Variants in SORCS1 observed in about 807,000 individuals in gnomAD.
SORCS1 encodes VPS10 domain-containing receptor SorCS1.
SORCS1 carries 60 observed loss-of-function variants against 146.1 expected under a neutral mutation model. The observed-to-expected ratio is 0.41, with a 90% CI of 0.33 to 0.51. The LOEUF (loss-of-function observed/expected upper bound fraction) is 0.51. Among genes scored for constraint, SORCS1 ranks in the 20% least tolerant of loss-of-function variants. The probability of loss-of-function intolerance (pLI) is 0.21; values close to 1 mark genes in which losing one functional copy is unlikely to be tolerated. For missense variants in SORCS1, 1,352 were observed against 1,487.6 expected, an observed-to-expected ratio of 0.91 and a Z score of 1.50; for synonymous variants, 637 against 584.0, an observed-to-expected ratio of 1.09 and a Z score of -1.31.
intron 1 of SORCS1, among the ~76,000 whole-genome samples, chr10:107,051,706 C>G (rs17121994): frequency 0.011 from 1,624 of 152,200 alleles, 15 homozygotes; most frequent in South Asian, 0.029. Context: ...TTTGTACTGG[C>G]TTGCATGTCT....
chr10:107,124,953 C>CTTTT (rs577523339), intron 1 of SORCS1, among the ~76,000 whole-genome samples: 3 of 121,612 alleles, frequency 2.5e-5, no homozygotes, highest in South Asian at 2.5e-4. Flanking sequence ...TTTTCTTTTT[C>CTTTT]TTTTTTTTTT....
At chr10:106,893,624 T>C (rs550515074) in intron 2 of SORCS1, among the ~76,000 whole-genome samples, 1 of 152,350 alleles carries the variant, frequency 6.6e-6, no homozygotes, top group African/African-American at 2.4e-5. Context: ...TTGCCACATG[T>C]TGCATGCAAA....
At chr10:107,110,598 T>C (rs1965628264) in intron 1 of SORCS1, among the ~76,000 whole-genome samples, 1 of 152,068 alleles carries the variant, frequency 6.6e-6, no homozygotes, top group African/African-American at 2.4e-5. Context: ...TCCACCCTCA[T>C]AACCAAAACC....
At chr10:106,792,958 T>C (rs1310905291) in intron 3 of SORCS1, among the ~76,000 whole-genome samples, 1 of 152,224 alleles carries the variant, frequency 6.6e-6, no homozygotes, top group East Asian at 1.9e-4. Flanking sequence ...TGAGCAGATG[T>C]TCATCATTCA....
At chr10:106,830,777 T>C (rs1380416195) in intron 2 of SORCS1, among the ~76,000 whole-genome samples, 5 of 151,910 alleles carry the variant, frequency 3.3e-5, no homozygotes, top group Non-Finnish European at 7.4e-5. Flanking sequence ...ATGCCTGTAG[T>C]CCGAGCTACT....
intron 2 of SORCS1, among the ~76,000 whole-genome samples, chr10:106,938,115 T>C (rs1953845654): frequency 6.6e-6 from 1 of 152,008 alleles, no homozygotes. Flanking sequence ...GGATAAATAA[T>C]TCAGAAGAGA....
chr10:106,662,271 A>T (rs1850788082), intron 17 of SORCS1, among the ~76,000 whole-genome samples: 1 of 152,248 alleles, frequency 6.6e-6, no homozygotes, highest in Admixed American at 6.5e-5. Context: ...CAGGGTAATA[A>T]GCTGACAGTG....
chr10:106,852,322 T>C (rs1279861749), intron 2 of SORCS1, among the ~76,000 whole-genome samples: 1 of 152,100 alleles, frequency 6.6e-6, no homozygotes, highest in Non-Finnish European at 1.5e-5. Context: ...TGTAGATGTT[T>C]CTTGTCAATT....
At chr10:107,017,173 T>C (rs1957932788) in intron 1 of SORCS1, among the ~76,000 whole-genome samples, 1 of 152,212 alleles carries the variant, frequency 6.6e-6, no homozygotes, top group South Asian at 2.1e-4. Context: ...AAAATGCATA[T>C]ATTTGAGCCT....
chr10:106,857,172 T>A (rs1949819900), intron 2 of SORCS1, among the ~76,000 whole-genome samples: 1 of 152,124 alleles, frequency 6.6e-6, no homozygotes, highest in Non-Finnish European at 1.5e-5. Flanking sequence ...TCAGGTGGCT[T>A]CTCCACATGA....
At chr10:106,897,068 T>C (rs1461413086) in intron 2 of SORCS1, among the ~76,000 whole-genome samples, 1 of 151,886 alleles carries the variant, frequency 6.6e-6, no homozygotes, top group African/African-American at 2.4e-5. Context: ...TTTTTTTGTA[T>C]TTTTTTAGTA....
intron 1 of SORCS1, among the ~76,000 whole-genome samples, chr10:107,141,918 C>CT (rs1164474337): frequency 4.6e-5 from 7 of 152,198 alleles, no homozygotes; most frequent in African/African-American, 1.4e-4. Context: ...GTAAAATAGT[C>CT]TAATTCCTTC....
intron 15 of SORCS1, among the ~76,000 whole-genome samples, chr10:106,671,985 A>G (rs1341481995): frequency 1.3e-5 from 2 of 152,242 alleles, no homozygotes; most frequent in African/African-American, 4.8e-5. Context: ...TCTATTGTTA[A>G]GCCTCTGAAT....
intron 19 of SORCS1, among the ~76,000 whole-genome samples, chr10:106,623,819 C>T (rs117867033): frequency 1.3e-5 from 2 of 152,132 alleles, no homozygotes; most frequent in East Asian, 3.9e-4. Context: ...GGGCGTGCCA[C>T]CAAATCTGGC....
At chr10:106,866,536 C>T (rs551269755) in intron 2 of SORCS1, among the ~76,000 whole-genome samples, 245 of 152,330 alleles carry the variant, frequency 1.6e-3, no homozygotes, top group South Asian at 4.1e-3. Context: ...TTCCCCAGAG[C>T]TGCAGTGGGC....
the SORCS1 span, among the ~76,000 whole-genome samples, chr10:107,179,904 CTTTTTTTTTTTTTTTTT>C: frequency 3.9e-5 from 2 of 51,248 alleles, no homozygotes; most frequent in Non-Finnish European, 6.4e-5. Context: ...ACAAAACAGA[CTTTTTTTTTTTTTTTTT>C]TTTTTTTTTT....
At chr10:106,901,628 G>T (rs530012159) in intron 2 of SORCS1, among the ~76,000 whole-genome samples, 1 of 152,236 alleles carries the variant, frequency 6.6e-6, no homozygotes, top group South Asian at 2.1e-4. Flanking sequence ...TAGAGATGGG[G>T]TTTCACCATG....
intron 1 of SORCS1, among the ~76,000 whole-genome samples, chr10:106,973,598 C>G (rs1036135105): frequency 6.6e-6 from 1 of 152,204 alleles, no homozygotes; most frequent in Non-Finnish European, 1.5e-5. Flanking sequence ...TCTGCTAGAA[C>G]TGCTGCTGCT....
At chr10:106,866,044 A>C (rs1950211782) in intron 2 of SORCS1, among the ~76,000 whole-genome samples, 1 of 151,936 alleles carries the variant, frequency 6.6e-6, no homozygotes, top group Non-Finnish European at 1.5e-5. Context: ...AAAAAAAAAA[A>C]AAAAGTCGCC....
Sources: allele counts gnomAD v4.1 joint callset (sites outside exome capture counted in the v4.1 genomes callset), GRCh38; gene constraint gnomAD v4.1.1; transcripts MANE v1.5; gene names NCBI Gene and HGNC (gene_info 2026-07-23, HGNC 2026-07-21).